Variants in PACC1 observed in about 807,000 individuals in gnomAD.
PACC1 encodes proton-activated chloride channel.
Under a neutral mutation model 39.7 loss-of-function variants are expected in PACC1, and 34 were observed. That is an observed-to-expected ratio of 0.86 (90% CI 0.65 to 1.14). The LOEUF (loss-of-function observed/expected upper bound fraction) is 1.14, where lower values mean the gene tolerates loss of function less well. PACC1 is among the 50% of genes most tolerant of loss of function. The pLI is 0.00. For missense variants in PACC1, 379 were observed against 436.4 expected (o/e 0.87, Z 1.17); for synonymous variants, 127 against 160.6 (o/e 0.79, Z 1.58).
intron 2 of PACC1, among the ~76,000 whole-genome samples, chr1:212,394,605 G>A (rs1451505184): frequency 1.3e-5 from 2 of 152,158 alleles, no homozygotes; most frequent in African/African-American, 2.4e-5. Flanking sequence ...GCAGGAGAAG[G>A]AAATAAAGGG....
chr1:212,383,566 A>T (rs1320215872), intron 4 of PACC1, among the ~76,000 whole-genome samples: 1 of 152,102 alleles, frequency 6.6e-6, no homozygotes, highest in Non-Finnish European at 1.5e-5. Context: ...CTATTTGTTC[A>T]TCTTGGTCCT....
chr1:212,412,090 G>A (rs1662148590), intron 1 of PACC1, among the ~76,000 whole-genome samples: 1 of 151,620 alleles, frequency 6.6e-6, no homozygotes, highest in South Asian at 2.1e-4. Flanking sequence ...GTAGTGAGCC[G>A]AGATCGCACC....
rs986897990 is a variant in PACC1, at chr1:212,365,285, A to G, written c.983T>C (p.Ile328Thr). Residue 328 changes from isoleucine to threonine, a missense_variant, in exon 8 of 8, where the codon ATA (isoleucine) becomes ACA (threonine). Ile to Thr is a moderately conservative substitution (Grantham distance 89, BLOSUM62 -1). Coordinates refer to ENST00000261455, the MANE Select transcript of PACC1 (RefSeq NM_018252.3). ...FKAAEFAKLSIKWMIKIRKRY... is the reference protein window; with the variant it reads ...FKAAEFAKLSTKWMIKIRKRY... ...CTTTCTAATTTTGATCATCCATTTT[A>G]TACTCAGTTTGGCAAACTCTGCTGC... 7 of 1,613,694 alleles carry G rather than the reference A, an allele frequency of 4.3e-6. No individual in the cohort carries two copies. The highest frequency in any genetic ancestry group is 1.3e-5 in the African/African-American group (1 of 74,862).
At position 212,365,197 on chromosome 1, in the gene PACC1, A is replaced by G. The variant is rs765414938; in HGVS notation, c.*18T>C. The G allele has an allele frequency of 1.9e-6, 3 of 1,610,592 alleles. No individual in the cohort carries two copies. Among genetic ancestry groups the G allele is most frequent in the East Asian group, 2.2e-5 (1 of 44,862 alleles). ...CTCCCATTGATGTGGACAGTTCTCT[A>G]AACAACGCGAGGTGACTTCAGCTTA... On this transcript the variant is annotated 3_prime_UTR_variant, in exon 8 of 8. Transcript: ENST00000261455.
chr1:212,375,597 T>C (rs1287821820), intron 6 of PACC1, among the ~76,000 whole-genome samples: 8 of 152,110 alleles, frequency 5.3e-5, no homozygotes, highest in African/African-American at 4.8e-5. Context: ...AATTAAACCA[T>C]ATTCAGGCCA....
chr1:212,396,951 T>A (rs773326252), intron 2 of PACC1, among the ~76,000 whole-genome samples: 4 of 151,642 alleles, frequency 2.6e-5, no homozygotes, highest in Non-Finnish European at 4.4e-5. Flanking sequence ...AGAAAAAAAA[T>A]TTTTTGTCTA....
rs375697153 is a variant in PACC1, at chr1:212,377,543, C to G, written c.783+19G>C. On this transcript the variant is annotated intron_variant, in intron 6 of 7. Transcript: ENST00000261455. ...TGGAAAAGTCACCAGCAGTTTCAAG[C>G]AAACCCAGAGCCACCTACCTCCTGC... 3.8e-4 allele frequency: 615 copies of G among 1,613,200 alleles called. No individual in the cohort carries two copies. Among genetic ancestry groups the G allele is most frequent in the Non-Finnish European group, 5.1e-4 (601 of 1,179,596 alleles).
chr1:212,406,236 G>T (rs1186476325), intron 2 of PACC1, among the ~76,000 whole-genome samples: 2 of 151,610 alleles, frequency 1.3e-5, no homozygotes, highest in Non-Finnish European at 1.5e-5. Context: ...ACTCAAAGGG[G>T]CCAAGCATGG....
rs984032699 is a variant in PACC1, at chr1:212,410,627, A to T, written c.37-106T>A. 11 of 996,404 alleles carry T rather than the reference A, an allele frequency of 1.1e-5. No individual in the cohort carries two copies. In the Admixed American group the frequency reaches 1.4e-4, roughly 12 times the overall value. The allele number at this position is 996,404 out of a possible 1,614,324, so 61.7% of individuals were successfully genotyped here. ...CTGCTTGTCACTTAATTGTCACCAA[A>T]AACCACATGACATAGAGTGTGTTAC... On this transcript the variant is annotated intron_variant, in intron 1 of 7. Coordinates refer to ENST00000261455, the MANE Select transcript of PACC1 (RefSeq NM_018252.3).
At chr1:212,407,839 C>G (rs1661974344) in intron 2 of PACC1, among the ~76,000 whole-genome samples, 1 of 152,162 alleles carries the variant, frequency 6.6e-6, no homozygotes, top group South Asian at 2.1e-4. Flanking sequence ...CTTTGGGAGG[C>G]TGAAGTGGGC....
At chr1:212,370,681 T>C (rs1660417036) in intron 7 of PACC1, among the ~76,000 whole-genome samples, 1 of 152,214 alleles carries the variant, frequency 6.6e-6, no homozygotes. Flanking sequence ...TTAAACATGA[T>C]GCTCCTTAGT....
chr1:212,397,638 G>A (rs1419606679), intron 2 of PACC1, among the ~76,000 whole-genome samples: 2 of 152,088 alleles, frequency 1.3e-5, no homozygotes, highest in African/African-American at 4.8e-5. Flanking sequence ...ATATCAAATG[G>A]AGGACTGATG....
chr1:212,375,265 AGCTGGCCTCTGGTCAATGTAG>A lies in PACC1; in HGVS notation c.798_818del (p.Tyr267_Ala273del), dbSNP rs764510240. ...AAAACAATTGAGCACTTTTTTTGGC[AGCTGGCCTCTGGTCAATGTAG>A]TTAACCACACTTGTCTAGATGTGGA... is the stretch of plus-strand genomic sequence containing the variant. On this transcript the variant is annotated inframe_deletion, in exon 7 of 8. Coordinates refer to ENST00000261455, the MANE Select transcript of PACC1 (RefSeq NM_018252.3). 4 of 1,613,842 alleles carry A rather than the reference AGCTGGCCTCTGGTCAATGTAG, an allele frequency of 2.5e-6. No individual in the cohort carries two copies. The highest frequency in any genetic ancestry group is 2.5e-6 in the Non-Finnish European group (3 of 1,179,896).
intron 6 of PACC1, among the ~76,000 whole-genome samples, chr1:212,375,561 A>C (rs201130269): frequency 6.6e-6 from 1 of 152,142 alleles, no homozygotes; most frequent in East Asian, 1.9e-4. Context: ...TGTCACTGAA[A>C]TTTGTCACTA....
chr1:212,405,180 GCT>G (rs1661862691), intron 2 of PACC1, among the ~76,000 whole-genome samples: 1 of 152,186 alleles, frequency 6.6e-6, no homozygotes, highest in East Asian at 1.9e-4. Flanking sequence ...TAGATGAGAG[GCT>G]CTCTTGCTCT....
intron 4 of PACC1, among the ~76,000 whole-genome samples, chr1:212,382,723 C>T (rs1481861970): frequency 6.6e-6 from 1 of 152,164 alleles, no homozygotes; most frequent in African/African-American, 2.4e-5. Flanking sequence ...ATTGTTTAGC[C>T]CTAAAGCTGC....
intron 6 of PACC1, among the ~76,000 whole-genome samples, chr1:212,375,528 G>C (rs927605434): frequency 6.6e-6 from 1 of 152,174 alleles, no homozygotes; most frequent in Non-Finnish European, 1.5e-5. Flanking sequence ...TGGGATCTGT[G>C]ATTTACAATA....
chr1:212,412,151 A>G lies in PACC1; in HGVS notation c.37-1630T>C, dbSNP rs542526050. On this transcript the variant is annotated intron_variant, in intron 1 of 7. Coordinates refer to ENST00000261455, the MANE Select transcript of PACC1 (RefSeq NM_018252.3). ...AGTGAAACTCAGTCTCAAAAAAAAA[A>G]AAGAAAGAAAAGAAAAGCAACCAGT... is the stretch of plus-strand genomic sequence containing the variant. Among the ~76,000 whole-genome samples, 514 of 152,162 alleles carry G rather than the reference A, an allele frequency of 3.4e-3. 5 individuals carry two copies. Among genetic ancestry groups the G allele is most frequent in the African/African-American group, 0.012 (492 of 41,520 alleles).
Position 212,410,502 on chromosome 1 carries a change from T to C in PACC1, c.56A>G (p.Gln19Arg). The C allele has an allele frequency of 6.2e-7, 1 of 1,614,168 alleles. No homozygotes were observed. The highest frequency in any genetic ancestry group is 1.1e-5 in the South Asian group (1 of 91,080). ...SYQELSEELV[Q>R]VVENSELADE... ...TGCCAGCTCTGAGTTCTCAACCACC[T>C]GGACCAACTCCTCACTCAGCTAAAG... The change falls in exon 2 of 8, where the codon CAG becomes CGG. Residue 19 changes from glutamine (Q) to arginine (R), a missense_variant. Gln to Arg is a conservative substitution (Grantham distance 43). Transcript: ENST00000261455.
Sources: gnomAD v4.1 joint callset for allele counts (sites outside exome capture counted in the v4.1 genomes callset) on GRCh38, gnomAD v4.1.1 for gene constraint, MANE v1.5 for transcripts, NCBI Gene and HGNC (gene_info 2026-07-23, HGNC 2026-07-21) for gene names.